DHCR7: variants seen among roughly 807,000 people sequenced by gnomAD.
DHCR7 encodes the protein 7-dehydrocholesterol reductase.
A neutral mutation model predicts 43.3 loss-of-function variants in DHCR7; 40 were observed. The ratio of observed to expected loss-of-function variants is 0.92; its 90% CI spans 0.72 to 1.20. The LOEUF (loss-of-function observed/expected upper bound fraction) is 1.20, where lower values mean the gene tolerates loss of function less well. Among genes scored for constraint, DHCR7 ranks in the 50% most tolerant of loss-of-function variants. The pLI is 0.00. For synonymous variants in DHCR7, 298 were observed against 271.4 expected, an observed-to-expected ratio of 1.10 and a Z score of -0.96; for missense variants, 608 against 644.6, an observed-to-expected ratio of 0.94 and a Z score of 0.62.
chr11:71,435,529 C>T lies in DHCR7; in HGVS notation c.1274G>A (p.Gly425Asp), dbSNP rs1182384703. The stretch of plus-strand genomic sequence containing the variant: ...GATGTAGAAGTAGGGCAGCAGGTGG[C>T]CGCCGCCACAGGCCAGGCAGTAGGC... The part of the protein sequence containing the change: ...SLAYCLACGG[G>D]HLLPYFYIIY... Residue 425 changes from glycine (G) to aspartate (D), a missense_variant, in exon 9 of 9, where the codon GGC (glycine) becomes GAC (aspartate). Coordinates refer to ENST00000355527, the MANE Select transcript of DHCR7 (RefSeq NM_001360.3). The T allele has an allele frequency of 6.2e-7, 1 of 1,611,060 alleles. No homozygotes were observed. The highest frequency in any genetic ancestry group is 1.7e-5 in the Admixed American group (1 of 60,008).
rs767377692 is a variant in DHCR7 at position 71,439,050 on chromosome 11, C to G, written c.660G>C (p.Met220Ile). 3 of 1,614,088 alleles carry G rather than the reference C, an allele frequency of 1.9e-6. No individual in the cohort carries two copies. The highest frequency in any genetic ancestry group is 2.5e-6 in the Non-Finnish European group (3 of 1,180,042). ...TCCGAGGGTTAAACTCGATGCCCAT[C>G]ATGTAGTTGTAAAAGAAATTGCCTG... The part of the protein sequence containing the change: ...KFTGNFFYNY[M>I]MGIEFNPRIG... The change falls in exon 7 of 9, where the codon ATG becomes ATC. Residue 220 changes from methionine to isoleucine, a missense_variant. Transcript: ENST00000355527.
At chr11:71,430,249 G>C (rs1186051142), downstream of DHCR7, among the ~76,000 whole-genome samples, 1 of 152,184 alleles carries the variant, frequency 6.6e-6, no homozygotes, top group Non-Finnish European at 1.5e-5. Flanking sequence ...GGTTTTTCTT[G>C]GTCCTTTCAC....
rs1949253599 is a variant in DHCR7, at chr11:71,434,850, A to G, written c.*525T>C. 2.9e-6 allele frequency: 1 copy of G among 347,898 alleles called. No individual in the cohort carries two copies. The highest frequency in any genetic ancestry group is 2.2e-5 in the African/African-American group (1 of 46,494). 21.6% of individuals were successfully genotyped at this position (347,898 alleles called of 1,614,324 possible). A position where few individuals can be genotyped will look rare whatever the true frequency, so the allele number is the denominator to read the frequency against. On this transcript the variant is annotated 3_prime_UTR_variant, in exon 9 of 9. Transcript: ENST00000355527. ...TTTCTCCCCAGTGTCCCAGTTCAACACCGTGCACGCTACCAAGGAGAAACG... is the reference window on the plus strand; with the variant it reads ...TTTCTCCCCAGTGTCCCAGTTCAACGCCGTGCACGCTACCAAGGAGAAACG...
At chr11:71,439,123 A>T in intron 6 of DHCR7, 40 bp from the exon 7 acceptor site, 1 of 1,579,348 alleles carries the variant, frequency 6.3e-7, no homozygotes, top group Non-Finnish European at 8.7e-7. Context: ...GTGGATGAGC[A>T]TATCTCACAA....
At chr11:71,440,794 A>G (rs965052461) in intron 6 of DHCR7, among the ~76,000 whole-genome samples, 5 of 151,998 alleles carry the variant, frequency 3.3e-5, no homozygotes, top group African/African-American at 1.2e-4. Flanking sequence ...ACCACTGTCC[A>G]GCCATGGGAA....
At chr11:71,439,857 C>T (rs932305172) in intron 6 of DHCR7, among the ~76,000 whole-genome samples, 5 of 152,234 alleles carry the variant, frequency 3.3e-5, no homozygotes, top group African/African-American at 1.2e-4. Context: ...AGGCCAGCCT[C>T]GTTATCTGAT....
Position 71,438,090 on chromosome 11 carries a change from C to T in DHCR7, c.832-147G>A, listed in dbSNP as rs147611608. On this transcript the variant is annotated intron_variant, in intron 7 of 8. Coordinates refer to ENST00000355527, the MANE Select transcript of DHCR7 (RefSeq NM_001360.3). ...CAATGCTGGGGCTGTTCCTTCCCTGCGGCTGGGGCTGTTCCTGCCTGGGTC... is the reference window on the plus strand; with the variant it reads ...CAATGCTGGGGCTGTTCCTTCCCTGTGGCTGGGGCTGTTCCTGCCTGGGTC... 1.8e-4 allele frequency: 171 copies of T among 966,448 alleles called. No homozygotes were observed. The East Asian group carries it at 3.0e-3, about 17-fold the overall frequency. 59.9% of individuals were successfully genotyped at this position (966,448 alleles called of 1,614,324 possible). A position where few individuals can be genotyped will look rare whatever the true frequency, so the allele number is the denominator to read the frequency against.
intron 8 of DHCR7, 88 bp downstream of exon 8, chr11:71,437,724 G>T: frequency 2.5e-6 from 4 of 1,574,660 alleles, no homozygotes. Context: ...CAGCTTTGGT[G>T]CCCCCAAGGA....
In DHCR7 at chr11:71,435,829, A is replaced by G; in HGVS notation, c.974T>C (p.Leu325Ser). Residue 325 changes from leucine (L) to serine (S), a missense_variant, in exon 9 of 9, where the codon TTG becomes TCG. By Grantham distance (145) the Leu-to-Ser change is moderately radical (BLOSUM62 -2). Transcript: ENST00000355527. ...GGACAGCTGCACGGGGTGGTACACC[A>G]AGTACAGACCCTGGGGGGCGAGGGG... is the stretch of plus-strand genomic sequence containing the variant. The part of the protein sequence containing the change: ...PYLYTLQGLY[L>S]VYHPVQLSTP... 1 of 1,603,238 alleles carries G rather than the reference A, an allele frequency of 6.2e-7. No homozygotes were observed. The highest frequency in any genetic ancestry group is 8.5e-7 in the Non-Finnish European group (1 of 1,174,704).
chr11:71,438,875 G>A lies in DHCR7; in HGVS notation c.831+4C>T. On this transcript the variant is annotated splice_donor_region_variant and intron_variant, in intron 7 of 8. Transcript: ENST00000355527. The stretch of plus-strand genomic sequence containing the variant: ...GTTTCACCCTCTCCAGCCATGACAG[G>A]CACCTGCAGGACGTTGACCAGGACC... 1 of 1,613,608 alleles carries A rather than the reference G, an allele frequency of 6.2e-7. No homozygotes were observed. Among genetic ancestry groups the A allele is most frequent in the Non-Finnish European group, 8.5e-7 (1 of 1,179,956 alleles).
chr11:71,437,338 G>C (rs1239132370), intron 8 of DHCR7, among the ~76,000 whole-genome samples: 1 of 152,180 alleles, frequency 6.6e-6, no homozygotes, highest in Non-Finnish European at 1.5e-5. Flanking sequence ...GTGGCATCTG[G>C]TCAAGCAGCC....
Position 71,435,234 on chromosome 11 carries a change from C to G in DHCR7, c.*141G>C. ...GAACAGAGCGTGATTAGGTACTGGA[C>G]ACCTGCCAAGTGCTGGGCTCTCTCC... On this transcript the variant is annotated 3_prime_UTR_variant, in exon 9 of 9. Coordinates refer to ENST00000355527, the MANE Select transcript of DHCR7 (RefSeq NM_001360.3). 1.1e-6 allele frequency: 1 copy of G among 876,020 alleles called. No homozygotes were observed. The highest frequency in any genetic ancestry group is 1.9e-6 in the Non-Finnish European group (1 of 534,150). 54.3% of individuals were successfully genotyped at this position (876,020 alleles called of 1,614,324 possible).
intron 6 of DHCR7, among the ~76,000 whole-genome samples, 188 bp from the exon 7 acceptor site, chr11:71,439,271 C>T (rs1591110142): frequency 6.6e-6 from 1 of 152,308 alleles, no homozygotes; most frequent in Non-Finnish European, 1.5e-5. Flanking sequence ...GTTCCTGGCG[C>T]CCTCATTCAC....
At chr11:71,438,693 G>A (rs1189290373) in intron 7 of DHCR7, 186 bp downstream of exon 7, 1 of 671,698 alleles carries the variant, frequency 1.5e-6, no homozygotes, top group Non-Finnish European at 2.6e-6. Context: ...GGCTGGCAGA[G>A]ACAGGCACCC....
rs146666501 is a variant in DHCR7, at chr11:71,447,333, C to T, written c.-7+277G>A. ...GTTGTCAAAAGGGATTAAAACAAGA[C>T]CAAAGAAGTACTTTTAGCTTATTAC... On this transcript the variant is annotated intron_variant, in intron 2 of 8. Coordinates refer to ENST00000355527, the MANE Select transcript of DHCR7 (RefSeq NM_001360.3). Among the ~76,000 whole-genome samples, 149 of 152,310 alleles carry T rather than the reference C, an allele frequency of 9.8e-4. 1 individual carries two copies. The highest frequency in any genetic ancestry group is 3.3e-3 in the African/African-American group (136 of 41,560).
Position 71,441,098 on chromosome 11 carries a change from TCCC to T in DHCR7, c.626+126_626+128del, listed in dbSNP as rs145649767. On this transcript the variant is annotated intron_variant, in intron 6 of 8. Coordinates refer to ENST00000355527, the MANE Select transcript of DHCR7 (RefSeq NM_001360.3). ...GTTCCCCAGGGTGAAGCAAGTTCCA[TCCC>T]CCTCCTCCTCTTCCACGGATTCTCA... 2.0e-3 allele frequency: 1,717 copies of T among 861,614 alleles called. 23 individuals carry two copies. The African/African-American group carries it at 0.025, about 13-fold the overall frequency. The allele number at this position is 861,614 out of a possible 1,614,324, so 53.4% of individuals were successfully genotyped here.
At chr11:71,427,600 T>C (rs1623080), downstream of DHCR7, among the ~76,000 whole-genome samples, 135,067 of 152,166 alleles carry the variant, frequency 0.89, 60,428 homozygotes, top group Non-Finnish European at 0.95. Flanking sequence ...TCAAGACCAC[T>C]CTCAGGTCTG....
At chr11:71,439,184 A>G in intron 6 of DHCR7, 101 bp from the exon 7 acceptor site, 1 of 1,169,698 alleles carries the variant, frequency 8.5e-7, no homozygotes, top group Non-Finnish European at 1.2e-6. Context: ...AGGGTCCTAA[A>G]GGGTAACGTG....
Position 71,438,786 on chromosome 11 carries a change from G to A in DHCR7, c.831+93C>T, listed in dbSNP as rs1949316278. ...GGCAGCTGACTCTCTTTTACAAGCA[G>A]TAGATTAAGGTCATGGGAATACGCT... On this transcript the variant is annotated intron_variant, in intron 7 of 8. Transcript: ENST00000355527. 4 of 1,329,014 alleles carry A rather than the reference G, an allele frequency of 3.0e-6. No individual in the cohort carries two copies. In the East Asian group the frequency reaches 9.6e-5, roughly 32 times the overall value. The allele number at this position is 1,329,014 out of a possible 1,614,324, so 82.3% of individuals were successfully genotyped here. A position where few individuals can be genotyped will look rare whatever the true frequency, so the allele number is the denominator to read the frequency against.
Sources: gnomAD v4.1 joint callset for allele counts (sites outside exome capture counted in the v4.1 genomes callset) on GRCh38, gnomAD v4.1.1 for gene constraint, MANE v1.5 for transcripts, NCBI Gene and HGNC (gene_info 2026-07-23, HGNC 2026-07-21) for gene names.